HK1: variants seen among roughly 807,000 people sequenced by gnomAD.
The protein encoded by HK1 is hexokinase-1.
In HK1, 28 loss-of-function variants were observed where a neutral mutation model predicts 91.6. The ratio of observed to expected loss-of-function variants is 0.31; its 90% CI spans 0.23 to 0.42. HK1 has a LOEUF of 0.42. Among genes scored for constraint, HK1 ranks in the 10% least tolerant of loss-of-function variants. The pLI is 1.00. For synonymous variants in HK1, 430 were observed against 468.1 expected, an observed-to-expected ratio of 0.92 and a Z score of 1.05; for missense variants, 770 against 1,219.8, an observed-to-expected ratio of 0.63 and a Z score of 5.49.
At chr10:69,283,798 C>CAAAAAAAAAAAAAAAAAA (rs571297748) in intron 2 of HK1, among the ~76,000 whole-genome samples, 2 of 67,622 alleles carry the variant, frequency 3.0e-5, no homozygotes, top group Non-Finnish European at 5.3e-5. Flanking sequence ...GACTCTGTCT[C>CAAAAAAAAAAAAAAAAAA]AAAAAAAAAA....
intron 13 of HK1, among the ~76,000 whole-genome samples, chr10:69,388,901 A>G (rs1458384597): frequency 6.6e-6 from 1 of 151,082 alleles, no homozygotes; most frequent in Non-Finnish European, 1.5e-5. Flanking sequence ...CAAAGGGAAG[A>G]AGCTATTTGA....
upstream of HK1, among the ~76,000 whole-genome samples, chr10:69,313,591 T>G (rs1394494264): frequency 1.3e-5 from 2 of 151,972 alleles, no homozygotes; most frequent in Non-Finnish European, 2.9e-5. Context: ...GCCTCCCAAG[T>G]AGCTGGGATT....
intron 7 of HK1, among the ~76,000 whole-genome samples, chr10:69,371,316 A>AC (rs59530954): frequency 0.078 from 9,996 of 128,536 alleles, 324 homozygotes; most frequent in African/African-American, 0.12. Context: ...TTTTTACCAT[A>AC]CCCCCCCCCA....
intron 5 of HK1, among the ~76,000 whole-genome samples, chr10:69,303,053 C>T (rs902771455): frequency 6.6e-6 from 1 of 152,164 alleles, no homozygotes; most frequent in Non-Finnish European, 1.5e-5. Context: ...AATGAAATCC[C>T]TACCCTTTAT....
chr10:69,310,328 T>G (rs1363518070), intron 5 of HK1, among the ~76,000 whole-genome samples: 5 of 144,478 alleles, frequency 3.5e-5, no homozygotes, highest in Non-Finnish European at 6.0e-5. Flanking sequence ...GGCTGAGGCA[T>G]GAGAATCGCC....
At chr10:69,316,235 G>A (rs1055122243), upstream of HK1, among the ~76,000 whole-genome samples, 1 of 151,684 alleles carries the variant, frequency 6.6e-6, no homozygotes, top group Non-Finnish European at 1.5e-5. Context: ...GATTACAGAA[G>A]GCCTCGGAAA....
intron 16 of HK1, among the ~76,000 whole-genome samples, chr10:69,395,508 G>A (rs1028939545): frequency 2.2e-4 from 33 of 152,188 alleles, no homozygotes; most frequent in African/African-American, 8.0e-4. Context: ...AACCCAGGAG[G>A]TGGAGGTTGC....
chr10:69,345,250 G>T (rs1848492143), intron 2 of HK1, among the ~76,000 whole-genome samples: 1 of 152,132 alleles, frequency 6.6e-6, no homozygotes, highest in African/African-American at 2.4e-5. Context: ...TATCTCTGAT[G>T]TAAGCCTACT....
chr10:69,318,251 C>G, upstream of HK1: 1 of 984,672 alleles, frequency 1.0e-6, no homozygotes, highest in Non-Finnish European at 1.2e-6. Context: ...CCGGTGCGTT[C>G]GGCCTGGGTG....
At chr10:69,343,695 C>T in intron 1 of HK1, 132 bp from the exon 2 acceptor site, 3 of 776,460 alleles carry the variant, frequency 3.9e-6, no homozygotes, top group East Asian at 2.4e-5. Context: ...AGTTGAATGA[C>T]CTTCCGCCAT....
intron 7 of HK1, among the ~76,000 whole-genome samples, chr10:69,373,628 T>C (rs1009757296): frequency 1.3e-5 from 2 of 151,738 alleles, no homozygotes; most frequent in Non-Finnish European, 2.9e-5. Flanking sequence ...TATCACTCTG[T>C]TGCCCAGGCT....
In HK1 at chr10:69,338,468, T is replaced by C. The variant is rs754012712; in HGVS notation, c.64-5359T>C. 17 of 1,278,956 alleles carry C rather than the reference T, an allele frequency of 1.3e-5. No homozygotes were observed. The South Asian group carries it at 2.0e-4, about 15-fold the overall frequency. The allele number at this position is 1,278,956 out of a possible 1,614,324, so 79.2% of individuals were successfully genotyped here. On this transcript the variant is annotated intron_variant, in intron 1 of 17. Transcript: ENST00000359426. The stretch of plus-strand genomic sequence containing the variant: ...CATTTGAGGGCCTGGGTTTCTGTCA[T>C]GACTCCTGGGAACCTCTGTCTTCTG...
intron 1 of HK1, among the ~76,000 whole-genome samples, chr10:69,326,081 G>A (rs370844794): frequency 7.3e-5 from 11 of 150,942 alleles, no homozygotes; most frequent in Admixed American, 1.3e-4. Flanking sequence ...TGATTCACCC[G>A]CCTCGGCCTC....
chr10:69,318,606 G>C (rs1003464754), upstream of HK1, among the ~76,000 whole-genome samples: 1 of 152,142 alleles, frequency 6.6e-6, no homozygotes, highest in East Asian at 1.9e-4. Flanking sequence ...TGCGGGGTCG[G>C]GGGGGATTTC....
intron 8 of HK1, 29 bp from the exon 9 acceptor site, chr10:69,379,833 T>A (rs2132870052): frequency 2.0e-6 from 3 of 1,484,828 alleles, no homozygotes; most frequent in Non-Finnish European, 2.8e-6. Context: ...TGGTCCTCAG[T>A]GCATCAGTAT....
At position 69,364,908 on chromosome 10, in the gene HK1, G is replaced by GATTATT; in HGVS notation, c.495+8_495+9insTATTAT. 2.5e-6 allele frequency: 4 copies of GATTATT among 1,614,118 alleles called. No homozygotes were observed. Among genetic ancestry groups the GATTATT allele is most frequent in the Non-Finnish European group, 3.4e-6 (4 of 1,180,014 alleles). On this transcript the variant is annotated splice_region_variant and intron_variant, in intron 4 of 17. Transcript: ENST00000359426. ...AACAATCCAAAATAGATGAGGTAAG[G>GATTATT]ATGTTCTGGGATTATCGGGCTCTGC...
At chr10:69,273,308 G>A (rs544392778) in intron 1 of HK1, among the ~76,000 whole-genome samples, 58 of 151,900 alleles carry the variant, frequency 3.8e-4, no homozygotes, top group African/African-American at 1.4e-3. Context: ...CTCCACCTCC[G>A]GAATTCATGC....
Position 69,343,964 on chromosome 10 carries a change from C to T in HK1, c.201C>T (p.Phe67=), listed in dbSNP as rs770831985. ...PTATVKMLPT[F]VRSIPDGSEK... ...CCACAGTCAAGATGTTGCCAACATT[C>T]GTAAGGTCCATTCCTGATGGCTCTG... Residue 67 remains phenylalanine (F), a synonymous_variant, in exon 2 of 18, where the codon TTC becomes TTT. Coordinates refer to ENST00000359426, the MANE Select transcript of HK1 (RefSeq NM_000188.3). 9 of 1,614,032 alleles carry T rather than the reference C, an allele frequency of 5.6e-6. No individual in the cohort carries two copies. Among genetic ancestry groups the T allele is most frequent in the African/African-American group, 2.7e-5 (2 of 74,930 alleles).
Position 69,319,157 on chromosome 10 carries a change from G to T in HK1, c.63+147G>T. ...ACTGCAGGGCGCAAGGAAAGCCTTC[G>T]CCTTCGATTCTACCGGCATTGTCAG... is the stretch of plus-strand genomic sequence containing the variant. On this transcript the variant is annotated intron_variant, in intron 1 of 17. Coordinates refer to ENST00000359426, the MANE Select transcript of HK1 (RefSeq NM_000188.3). The T allele has an allele frequency of 2.1e-5, 20 of 947,764 alleles. No individual in the cohort carries two copies. In the South Asian group the frequency reaches 2.9e-4, roughly 14 times the overall value. The allele number at this position is 947,764 out of a possible 1,614,324, so 58.7% of individuals were successfully genotyped here.
Sources: allele counts gnomAD v4.1 joint callset (sites outside exome capture counted in the v4.1 genomes callset), GRCh38; gene constraint gnomAD v4.1.1; transcripts MANE v1.5; gene names NCBI Gene and HGNC (gene_info 2026-07-23, HGNC 2026-07-21).